Variants in LYPD6B observed in about 807,000 individuals in gnomAD.
LYPD6B encodes the protein LY6/PLAUR domain containing 6B, also known as ly6/PLAUR domain-containing protein 6B.
Under a neutral mutation model 22.8 loss-of-function variants are expected in LYPD6B, and 17 were observed. The ratio of observed to expected loss-of-function variants is 0.75; its 90% confidence interval spans 0.51 to 1.12. The LOEUF is 1.12. Ranked by LOEUF, LYPD6B falls within the 50% of genes most tolerant of loss-of-function variation. LYPD6B has a pLI of 0.00. For missense variants in LYPD6B, 221 were observed against 258.3 expected, an observed-to-expected ratio of 0.86 and a Z score of 0.99; for synonymous variants, 106 against 91.6, an observed-to-expected ratio of 1.16 and a Z score of -0.90.
intron 3 of LYPD6B, among the ~76,000 whole-genome samples, chr2:149,195,332 A>G (rs928844709): frequency 9.2e-5 from 14 of 152,228 alleles, no homozygotes; most frequent in African/African-American, 3.4e-4. Context: ...TTGTGAATGA[A>G]AAATATATGA....
intron 1 of LYPD6B, among the ~76,000 whole-genome samples, chr2:149,127,610 T>C (rs761686654): frequency 6.6e-6 from 1 of 152,224 alleles, no homozygotes; most frequent in Non-Finnish European, 1.5e-5. Flanking sequence ...TATATATGTA[T>C]GCATGTGTGT....
chr2:149,178,510 A>G (rs1354615407), intron 3 of LYPD6B, among the ~76,000 whole-genome samples: 2 of 152,208 alleles, frequency 1.3e-5, no homozygotes, highest in African/African-American at 2.4e-5. Flanking sequence ...GACGGAGGCC[A>G]TGCAGTGTGT....
Position 149,047,234 on chromosome 2 carries a change from C to T in LYPD6B, c.-67+8433C>T, listed in dbSNP as rs534845599. Among the ~76,000 whole-genome samples, 5 of 151,580 alleles carry T rather than the reference C, an allele frequency of 3.3e-5. No homozygotes were observed. In the South Asian group the frequency reaches 6.3e-4, roughly 19 times the overall value. On this transcript the variant is annotated intron_variant, in intron 1 of 6. Coordinates refer to ENST00000409642, the MANE Select transcript of LYPD6B (RefSeq NM_177964.5). ...TTAACATTTGTTGTAGTGTAGGTCT[C>T]CTGGCAATGAATTCTAAGTTTTTGT...
intron 1 of LYPD6B, among the ~76,000 whole-genome samples, chr2:149,125,091 C>T (rs1687616042): frequency 6.6e-6 from 1 of 152,106 alleles, no homozygotes; most frequent in Non-Finnish European, 1.5e-5. Flanking sequence ...AAATTGGGTT[C>T]TCCCAGTCAA....
At chr2:149,157,272 CA>C (rs1689766086) in intron 2 of LYPD6B, among the ~76,000 whole-genome samples, 1 of 151,602 alleles carries the variant, frequency 6.6e-6, no homozygotes, top group Non-Finnish European at 1.5e-5. Context: ...ACAATCTTAA[CA>C]GTATTCATTT....
chr2:149,120,381 ATATTTTTT>A (rs1687253371), intron 1 of LYPD6B, among the ~76,000 whole-genome samples: 1 of 43,490 alleles, frequency 2.3e-5, no homozygotes, highest in African/African-American at 1.3e-4. Context: ...ATATATATAT[ATATTTTTT>A]TTTTTTTTTT....
chr2:149,072,567 C>T (rs1684672549), intron 1 of LYPD6B, among the ~76,000 whole-genome samples: 1 of 114,732 alleles, frequency 8.7e-6, no homozygotes, highest in South Asian at 2.9e-4. Flanking sequence ...GACACAGTTT[C>T]ACTCTGTTGC....
intron 1 of LYPD6B, among the ~76,000 whole-genome samples, chr2:149,076,509 T>A (rs919504229): frequency 6.6e-6 from 1 of 152,126 alleles, no homozygotes; most frequent in African/African-American, 2.4e-5. Flanking sequence ...CTGTAATTCA[T>A]AATAAAGAAA....
intron 3 of LYPD6B, among the ~76,000 whole-genome samples, chr2:149,203,087 G>A (rs1035833978): frequency 1.2e-4 from 19 of 152,258 alleles, no homozygotes; most frequent in South Asian, 4.1e-4. Flanking sequence ...TGCACTCAGC[G>A]CGTGCAAACT....
At chr2:149,185,392 A>G (rs1367314423) in intron 3 of LYPD6B, among the ~76,000 whole-genome samples, 1 of 152,218 alleles carries the variant, frequency 6.6e-6, no homozygotes, top group Non-Finnish European at 1.5e-5. Flanking sequence ...CCCTGATTAG[A>G]GTAATTAGAG....
chr2:149,059,991 C>T (rs891723736), intron 1 of LYPD6B, among the ~76,000 whole-genome samples: 5 of 151,180 alleles, frequency 3.3e-5, no homozygotes, highest in African/African-American at 7.3e-5. Flanking sequence ...TCAGCATGGT[C>T]GGAGCAGGCC....
chr2:149,063,247 AT>A (rs1684173683), intron 1 of LYPD6B, among the ~76,000 whole-genome samples: 1 of 152,010 alleles, frequency 6.6e-6, no homozygotes, highest in South Asian at 2.1e-4. Context: ...CTTTACTTTT[AT>A]TTTTTTCGGG....
chr2:149,104,906 A>T (rs1306626524), intron 1 of LYPD6B, among the ~76,000 whole-genome samples: 1 of 152,196 alleles, frequency 6.6e-6, no homozygotes, highest in Non-Finnish European at 1.5e-5. Context: ...TTTAATTAAG[A>T]AAGTTTAAAA....
chr2:149,096,199 C>T (rs56258402), intron 1 of LYPD6B, among the ~76,000 whole-genome samples: 1,630 of 151,726 alleles, frequency 0.011, 15 homozygotes, highest in Non-Finnish European at 0.013. Context: ...CACGGAGAGA[C>T]TGAGACACAG....
intron 3 of LYPD6B, among the ~76,000 whole-genome samples, chr2:149,172,548 T>C (rs1196423774): frequency 6.6e-6 from 1 of 152,042 alleles, no homozygotes; most frequent in East Asian, 1.9e-4. Flanking sequence ...AGGACATCTG[T>C]TCTGTGGACC....
intron 1 of LYPD6B, among the ~76,000 whole-genome samples, chr2:149,040,925 C>T (rs942326535): frequency 2.6e-5 from 4 of 152,030 alleles, no homozygotes; most frequent in African/African-American, 7.2e-5. Context: ...CTGCCAAGGG[C>T]GAAAATGCTT....
intron 1 of LYPD6B, among the ~76,000 whole-genome samples, chr2:149,077,772 C>T (rs757008691): frequency 3.7e-4 from 57 of 152,092 alleles, no homozygotes; most frequent in Non-Finnish European, 6.8e-4. Flanking sequence ...AAGTGCTGGG[C>T]ATCTTTTTAA....
chr2:149,071,827 T>G (rs1165595180), intron 1 of LYPD6B, among the ~76,000 whole-genome samples: 3 of 152,200 alleles, frequency 2.0e-5, no homozygotes, highest in Non-Finnish European at 2.9e-5. Flanking sequence ...TCAGTCCAGA[T>G]TTTAAAGATT....
In LYPD6B at chr2:149,048,765, T is replaced by G. The variant is rs534669224; in HGVS notation, c.-67+9964T>G. Reference sequence around the variant, plus strand: ...CATCCTGAGCAGAAATCAAAAGCCCTGATTTCATGTTTTCAAGCTCTTTCT... The same window carrying G: ...CATCCTGAGCAGAAATCAAAAGCCCGGATTTCATGTTTTCAAGCTCTTTCT... On this transcript the variant is annotated intron_variant, in intron 1 of 6. Coordinates refer to ENST00000409642, the MANE Select transcript of LYPD6B (RefSeq NM_177964.5). Among the ~76,000 whole-genome samples, 175 of 152,320 alleles carry G rather than the reference T, an allele frequency of 1.1e-3. 3 individuals are homozygous for G. The South Asian group carries it at 0.013, about 12-fold the overall frequency.
Sources: gnomAD v4.1 joint callset for allele counts (sites outside exome capture counted in the v4.1 genomes callset) on GRCh38, gnomAD v4.1.1 for gene constraint, MANE v1.5 for transcripts, NCBI Gene and HGNC (gene_info 2026-07-23, HGNC 2026-07-21) for gene names.